Variants in RRAS2 observed in about 807,000 individuals in gnomAD.
RRAS2 encodes RAS related 2.
RRAS2 carries 7 observed loss-of-function variants against 27.6 expected under a neutral mutation model. The observed-to-expected ratio is 0.25, with a 90% CI of 0.14 to 0.48. The LOEUF (loss-of-function observed/expected upper bound fraction) is 0.48, where lower values mean the gene tolerates loss of function less well. RRAS2 is among the 20% of genes least tolerant of loss of function. The probability of loss-of-function intolerance (pLI) is 0.99; values close to 1 mark genes in which losing one functional copy is unlikely to be tolerated. For synonymous variants in RRAS2, 86 were observed against 90.9 expected, an observed-to-expected ratio of 0.95 and a Z score of 0.31; for missense variants, 178 against 256.2, an observed-to-expected ratio of 0.69 and a Z score of 2.08.
In RRAS2 at chr11:14,344,831, G is replaced by A. The variant is rs549357551; in HGVS notation, c.108+13932C>T. ...CAACTTCTAAAACTCAAGATTCAAC[G>A]TGTATATGCCACACATGATTTCTGA... On this transcript the variant is annotated intron_variant, in intron 1 of 5. Coordinates refer to ENST00000256196, the MANE Select transcript of RRAS2 (RefSeq NM_012250.6). Among the ~76,000 whole-genome samples, 13 of 152,154 alleles carry A rather than the reference G, an allele frequency of 8.5e-5. No individual in the cohort carries two copies. In the South Asian group the frequency reaches 1.9e-3, roughly 22 times the overall value.
chr11:14,331,242 T>C (rs1476201500), intron 1 of RRAS2, among the ~76,000 whole-genome samples: 2 of 152,150 alleles, frequency 1.3e-5, no homozygotes, highest in Admixed American at 6.5e-5. Flanking sequence ...TACAACTTAA[T>C]AAAATAAACA....
intron 4 of RRAS2, among the ~76,000 whole-genome samples, chr11:14,292,311 C>G (rs1432008804): frequency 6.6e-6 from 1 of 152,158 alleles, no homozygotes; most frequent in African/African-American, 2.4e-5. Flanking sequence ...GGTCTCCTAC[C>G]TATTCCTTTA....
At chr11:14,336,193 T>G (rs1227773795) in intron 1 of RRAS2, among the ~76,000 whole-genome samples, 3 of 152,128 alleles carry the variant, frequency 2.0e-5, no homozygotes, top group African/African-American at 7.2e-5. Context: ...TAATGTAAGC[T>G]GAGTAGGGAA....
chr11:14,350,910 T>G (rs1278871849), intron 1 of RRAS2, among the ~76,000 whole-genome samples: 1 of 152,144 alleles, frequency 6.6e-6, no homozygotes, highest in African/African-American at 2.4e-5. Flanking sequence ...TTTTCACAGG[T>G]GCATAATGCT....
chr11:14,300,640 A>G (rs1847674364), intron 1 of RRAS2, among the ~76,000 whole-genome samples: 1 of 152,146 alleles, frequency 6.6e-6, no homozygotes, highest in South Asian at 2.1e-4. Flanking sequence ...AATAATGCCA[A>G]AGTATAATAT....
intron 1 of RRAS2, among the ~76,000 whole-genome samples, chr11:14,310,174 T>C (rs1409570027): frequency 2.6e-5 from 4 of 152,234 alleles, no homozygotes; most frequent in Non-Finnish European, 5.9e-5. Flanking sequence ...ACTGTAAGAA[T>C]GGTGGTACCA....
At chr11:14,356,686 C>G in intron 1 of RRAS2, 1 of 428,228 alleles carries the variant, frequency 2.3e-6, no homozygotes, top group Non-Finnish European at 4.6e-6. Flanking sequence ...TCATACATAC[C>G]TGCTTCCTTT....
At chr11:14,349,553 C>A (rs1330486375) in intron 1 of RRAS2, among the ~76,000 whole-genome samples, 5 of 152,128 alleles carry the variant, frequency 3.3e-5, no homozygotes, top group African/African-American at 4.8e-5. Flanking sequence ...ACATTTTTCA[C>A]CTTTGTAACT....
At chr11:14,287,743 G>A (rs531274344) in intron 4 of RRAS2, among the ~76,000 whole-genome samples, 5 of 151,740 alleles carry the variant, frequency 3.3e-5, no homozygotes, top group South Asian at 4.2e-4. Flanking sequence ...GTGATGGCAC[G>A]GGCCTGTAAT....
chr11:14,360,815 G>A (rs782718131), upstream of RRAS2, among the ~76,000 whole-genome samples: 3 of 151,982 alleles, frequency 2.0e-5, no homozygotes, highest in Non-Finnish European at 4.4e-5. Flanking sequence ...CCGCTACTCC[G>A]GAGGCTGAGG....
chr11:14,356,612 A>G, intron 1 of RRAS2: 1 of 263,720 alleles, frequency 3.8e-6, no homozygotes, highest in South Asian at 3.6e-5. Context: ...GAGCTTTAAA[A>G]GACACACATG....
At chr11:14,314,234 G>T (rs1848041790) in intron 1 of RRAS2, among the ~76,000 whole-genome samples, 1 of 152,198 alleles carries the variant, frequency 6.6e-6, no homozygotes, top group Non-Finnish European at 1.5e-5. Flanking sequence ...ATGAAATTGA[G>T]AGTCTATGAT....
intron 1 of RRAS2, among the ~76,000 whole-genome samples, chr11:14,327,210 T>C (rs1848380092): frequency 6.6e-6 from 1 of 152,214 alleles, no homozygotes. Context: ...AGATGCAATA[T>C]GCATACATGA....
At chr11:14,317,777 A>G (rs1022489404) in intron 1 of RRAS2, among the ~76,000 whole-genome samples, 9 of 152,164 alleles carry the variant, frequency 5.9e-5, no homozygotes, top group Admixed American at 3.3e-4. Flanking sequence ...CTAAATGTAC[A>G]AAGGGGAGCT....
chr11:14,324,000 C>T (rs868916274), intron 1 of RRAS2, among the ~76,000 whole-genome samples: 2 of 148,398 alleles, frequency 1.3e-5, no homozygotes, highest in Middle Eastern at 3.6e-3. Context: ...AAAACTATAG[C>T]AAACAACACT....
At chr11:14,335,941 C>G (rs545171013) in intron 1 of RRAS2, among the ~76,000 whole-genome samples, 1 of 152,198 alleles carries the variant, frequency 6.6e-6, no homozygotes, top group Non-Finnish European at 1.5e-5. Context: ...CTACTCCCAA[C>G]AGACACCAAA....
intron 1 of RRAS2, among the ~76,000 whole-genome samples, chr11:14,346,829 A>G (rs570842663): frequency 6.6e-6 from 1 of 152,208 alleles, no homozygotes; most frequent in South Asian, 2.1e-4. Flanking sequence ...CCTGTTGTAC[A>G]TAATAAATAC....
intron 1 of RRAS2, among the ~76,000 whole-genome samples, chr11:14,324,427 CA>C (rs77185501): frequency 0.017 from 1,580 of 90,460 alleles, 7 homozygotes; most frequent in Non-Finnish European, 0.023. Flanking sequence ...AAACAGAGGC[CA>C]AAAAAAAAAA....
chr11:14,284,341 C>G (rs1554944752), intron 4 of RRAS2, among the ~76,000 whole-genome samples: 1 of 152,092 alleles, frequency 6.6e-6, no homozygotes, highest in African/African-American at 2.4e-5. Flanking sequence ...CTAGATACCT[C>G]TCTGTTATTA....
Sources: gnomAD v4.1 joint callset for allele counts (sites outside exome capture counted in the v4.1 genomes callset) on GRCh38, gnomAD v4.1.1 for gene constraint, MANE v1.5 for transcripts, NCBI Gene and HGNC (gene_info 2026-07-23, HGNC 2026-07-21) for gene names.